The following TASP1 variants were observed in gnomAD, a reference collection of about 807,000 sequenced individuals.
The protein encoded by TASP1 is taspase 1, also known as threonine aspartase 1.
TASP1 carries 16 observed loss-of-function variants against 56.6 expected under a neutral mutation model. The observed-to-expected ratio is 0.28, with a 90% CI of 0.19 to 0.43. The LOEUF is 0.43. Ranked by LOEUF, TASP1 falls within the 20% of genes least tolerant of loss-of-function variation. TASP1 has a pLI of 1.00. For missense variants in TASP1, 393 were observed against 511.6 expected (o/e 0.77, Z 2.24); for synonymous variants, 179 against 184.2 (o/e 0.97, Z 0.23).
Position 13,576,984 on chromosome 20 carries a change from G to A in TASP1, c.488+3913C>T, listed in dbSNP as rs372524589. ...GTGGCTTTAGTAACCTACTTTACAA[G>A]TCATTTTTGTACATCTATGCACATA... On this transcript the variant is annotated intron_variant, in intron 6 of 13. Coordinates refer to ENST00000337743, the MANE Select transcript of TASP1 (RefSeq NM_017714.3). 2.3e-4 allele frequency among the ~76,000 whole-genome samples: 35 copies of A among 152,214 alleles called. 2 individuals are homozygous for A. The South Asian group carries it at 6.4e-3, about 28-fold the overall frequency.
chr20:13,329,079 A>T, the TASP1 span, among the ~76,000 whole-genome samples: 4 of 152,210 alleles, frequency 2.6e-5, no homozygotes, highest in Admixed American at 6.5e-5. Context: ...AGCCTTTGGC[A>T]TAAGGATCCT....
the TASP1 span, among the ~76,000 whole-genome samples, chr20:13,365,535 ATGAT>A: frequency 6.6e-6 from 1 of 152,348 alleles, no homozygotes; most frequent in South Asian, 2.1e-4. Flanking sequence ...ATAGGCCTGA[ATGAT>A]TGAAAGAAAA....
At chr20:13,597,200 T>G (rs1384363103) in intron 4 of TASP1, among the ~76,000 whole-genome samples, 4 of 152,120 alleles carry the variant, frequency 2.6e-5, no homozygotes, top group African/African-American at 7.2e-5. Context: ...GCATCATCCT[T>G]ATACCAAAGC....
chr20:13,348,517 G>C, the TASP1 span, among the ~76,000 whole-genome samples: 1 of 152,194 alleles, frequency 6.6e-6, no homozygotes, highest in African/African-American at 2.4e-5. Context: ...AAGAAACTTA[G>C]CAAGGCAACC....
chr20:13,129,219 C>T, the TASP1 span, among the ~76,000 whole-genome samples: 5 of 152,098 alleles, frequency 3.3e-5, no homozygotes, highest in Admixed American at 1.3e-4. Context: ...CCATGCTGGT[C>T]GGGAACACCT....
At chr20:13,262,559 T>C in the TASP1 span, among the ~76,000 whole-genome samples, 1 of 152,128 alleles carries the variant, frequency 6.6e-6, no homozygotes, top group Non-Finnish European at 1.5e-5. Context: ...TTCATTTCAG[T>C]TCATTCTTTA....
chr20:13,221,143 G>C, the TASP1 span, among the ~76,000 whole-genome samples: 85 of 152,106 alleles, frequency 5.6e-4, no homozygotes, highest in African/African-American at 1.9e-3. Flanking sequence ...GTGGCTTGCC[G>C]GGTGAGTGGC....
chr20:13,443,988 G>C (rs988220650), intron 11 of TASP1, among the ~76,000 whole-genome samples: 1 of 152,176 alleles, frequency 6.6e-6, no homozygotes, highest in Non-Finnish European at 1.5e-5. Context: ...CAAGGAACCA[G>C]GAAATCAGAG....
At chr20:13,332,866 T>C in the TASP1 span, among the ~76,000 whole-genome samples, 17,289 of 152,258 alleles carry the variant, frequency 0.11, 1,383 homozygotes, top group Non-Finnish European at 0.17. Context: ...CCTTTGGGGC[T>C]GTCAGGGCTG....
the TASP1 span, among the ~76,000 whole-genome samples, chr20:13,177,289 C>T: frequency 9.2e-5 from 14 of 151,778 alleles, no homozygotes; most frequent in African/African-American, 3.4e-4. Flanking sequence ...AAATAGACAT[C>T]CCATGCTCAT....
chr20:13,189,152 C>G, the TASP1 span, among the ~76,000 whole-genome samples: 1 of 152,156 alleles, frequency 6.6e-6, no homozygotes, highest in African/African-American at 2.4e-5. Flanking sequence ...CAATCAAACT[C>G]CTTTAAATTT....
intron 1 of TASP1, among the ~76,000 whole-genome samples, chr20:13,630,589 C>T (rs1007124248): frequency 1.4e-5 from 2 of 147,858 alleles, no homozygotes; most frequent in Admixed American, 6.9e-5. Context: ...ACGCAGGAGG[C>T]TGAGGCAGAA....
At chr20:13,279,982 G>A in the TASP1 span, 2 of 1,333,282 alleles carry the variant, frequency 1.5e-6, no homozygotes, top group African/African-American at 1.5e-5. Context: ...GCAAAACCCT[G>A]CTTAGAGCAT....
the TASP1 span, chr20:13,244,125 T>C: frequency 6.6e-6 from 1 of 152,232 alleles, no homozygotes; most frequent in Non-Finnish European, 1.5e-5. Context: ...TGCTATCCTC[T>C]CTTTTGTTCA....
chr20:13,513,095 G>C (rs1445526295), intron 10 of TASP1, among the ~76,000 whole-genome samples: 1 of 151,908 alleles, frequency 6.6e-6, no homozygotes, highest in South Asian at 2.1e-4. Context: ...GCTCTTTTTT[G>C]GTTCCATATG....
At chr20:13,314,244 G>A in the TASP1 span, among the ~76,000 whole-genome samples, 1 of 151,990 alleles carries the variant, frequency 6.6e-6, no homozygotes, top group Non-Finnish European at 1.5e-5. Context: ...CAAATTAATG[G>A]CAAACATAAA....
At position 13,481,517 on chromosome 20, in the gene TASP1, T is replaced by C. The variant is rs544583976; in HGVS notation, c.985+1710A>G. Among the ~76,000 whole-genome samples, 9 of 152,302 alleles carry C rather than the reference T, an allele frequency of 5.9e-5. No individual in the cohort carries two copies. In the South Asian group the frequency reaches 6.2e-4, roughly 11 times the overall value. On this transcript the variant is annotated intron_variant, in intron 11 of 13. Coordinates refer to ENST00000337743, the MANE Select transcript of TASP1 (RefSeq NM_017714.3). ...TCCAAACTGTTCTCCATAGTGGTTG[T>C]ACTAATTTACATTCCCACCAACAGT...
chr20:13,171,024 A>G, the TASP1 span, among the ~76,000 whole-genome samples: 1 of 152,234 alleles, frequency 6.6e-6, no homozygotes, highest in Non-Finnish European at 1.5e-5. Flanking sequence ...ATGTGGGGTC[A>G]TGGAAAATGC....
intron 11 of TASP1, among the ~76,000 whole-genome samples, chr20:13,470,611 G>C (rs1000947341): frequency 8.6e-5 from 13 of 151,464 alleles, no homozygotes; most frequent in African/African-American, 3.2e-4. Context: ...ATGTACTCTA[G>C]TTAAACAAAA....
Sources: gnomAD v4.1 joint callset for allele counts (sites outside exome capture counted in the v4.1 genomes callset) on GRCh38, gnomAD v4.1.1 for gene constraint, MANE v1.5 for transcripts, NCBI Gene and HGNC (gene_info 2026-07-23, HGNC 2026-07-21) for gene names.